GTF3C6: variants seen among roughly 807,000 people sequenced by gnomAD.
The protein encoded by GTF3C6 is general transcription factor IIIC subunit 6.
GTF3C6 carries 11 observed loss-of-function variants against 19.2 expected under a neutral mutation model. That is an observed-to-expected ratio of 0.57 (90% CI 0.36 to 0.95). GTF3C6 has a LOEUF of 0.95. Among genes scored for constraint, GTF3C6 ranks in the 40% least tolerant of loss-of-function variants. GTF3C6 has a pLI of 0.01. For synonymous variants in GTF3C6, 87 were observed against 84.2 expected (o/e 1.03, Z -0.18); for missense variants, 222 against 254.7 (o/e 0.87, Z 0.87).
rs146702034 is a variant in GTF3C6 at position 110,959,166 on chromosome 6, C to G, written c.58-6C>G. 4.3e-5 allele frequency: 69 copies of G among 1,603,764 alleles called. No homozygotes were observed. Among genetic ancestry groups the G allele is most frequent in the African/African-American group, 5.3e-5 (4 of 74,814 alleles). On this transcript the variant is annotated splice_polypyrimidine_tract_variant and splice_region_variant and intron_variant, in intron 1 of 5. Transcript: ENST00000329970. ...CTAGCATGTTAACCCCTCTTTCTTT[C>G]ACCAGGAGCAGTTGGTTCTGGTGGA...
At chr6:110,962,869 C>T (rs984862139) in intron 5 of GTF3C6, among the ~76,000 whole-genome samples, 19 of 152,162 alleles carry the variant, frequency 1.2e-4, no homozygotes, top group African/African-American at 3.4e-4. Flanking sequence ...ACCTCCGCCT[C>T]CCGGGTTCAA....
chr6:110,966,940 A>C (rs1432378285), intron 5 of GTF3C6, among the ~76,000 whole-genome samples: 1 of 152,042 alleles, frequency 6.6e-6, no homozygotes, highest in Admixed American at 6.6e-5. Context: ...GATGGCTTGA[A>C]GTCAGGAGTT....
intron 4 of GTF3C6, 63 bp downstream of exon 4, chr6:110,960,679 A>C (rs1771148582): frequency 8.3e-7 from 1 of 1,205,760 alleles, no homozygotes; most frequent in Non-Finnish European, 1.2e-6. Context: ...TAAGCATAAT[A>C]AATATCTCAT....
chr6:110,965,177 A>C (rs1240775830), intron 5 of GTF3C6, among the ~76,000 whole-genome samples: 1 of 125,440 alleles, frequency 8.0e-6, no homozygotes, highest in Non-Finnish European at 1.6e-5. Flanking sequence ...GGATCTTACT[A>C]TGTTACCCAG....
intron 1 of GTF3C6, 74 bp from the exon 2 acceptor site, chr6:110,959,098 T>A (rs2115347419): frequency 9.1e-7 from 1 of 1,094,738 alleles, no homozygotes; most frequent in East Asian, 2.3e-5. Flanking sequence ...ATGTGGGAAA[T>A]TTGGCTTCTT....
At chr6:110,967,420 T>C in intron 5 of GTF3C6, 90 bp from the exon 6 acceptor site, 1 of 1,154,166 alleles carries the variant, frequency 8.7e-7, no homozygotes, top group Non-Finnish European at 1.2e-6. Flanking sequence ...TGACATGTAT[T>C]CATAGGATAG....
chr6:110,965,538 G>A (rs1771219561), intron 5 of GTF3C6, among the ~76,000 whole-genome samples: 1 of 152,078 alleles, frequency 6.6e-6, no homozygotes, highest in Non-Finnish European at 1.5e-5. Context: ...ATAAACCCTT[G>A]TTCCTATTAT....
intron 5 of GTF3C6, among the ~76,000 whole-genome samples, chr6:110,966,098 T>TA (rs1345585310): frequency 6.6e-6 from 1 of 152,204 alleles, no homozygotes; most frequent in African/African-American, 2.4e-5. Flanking sequence ...GTCCTCCTGA[T>TA]ATGGCAGCTG....
chr6:110,960,638 C>A (rs764668170), intron 4 of GTF3C6, 22 bp downstream of exon 4: 1 of 1,578,972 alleles, frequency 6.3e-7, no homozygotes, highest in South Asian at 1.1e-5. Flanking sequence ...CTAGCCCAGC[C>A]CTTTTTAATA....
In GTF3C6 at chr6:110,960,455, T is replaced by G; in HGVS notation, c.180T>G (p.Cys60Trp). The change falls in exon 3 of 6, where the codon TGT becomes TGG. Residue 60 changes from cysteine to tryptophan, a missense_variant. Transcript: ENST00000329970. The stretch of plus-strand genomic sequence containing the variant: ...GGCCCATTCTGCAAGTGGACAGCTG[T>G]GTCTTTGCTGGGGAGTATGAAGGTA... ...TERPILQVDS[C>W]VFAGEYEDTL... 1.2e-6 allele frequency: 2 copies of G among 1,613,938 alleles called. No homozygotes were observed. The highest frequency in any genetic ancestry group is 1.7e-6 in the Non-Finnish European group (2 of 1,179,914).
chr6:110,959,967 AAAAAAAT>A (rs1047118392), intron 2 of GTF3C6, among the ~76,000 whole-genome samples: 1 of 140,624 alleles, frequency 7.1e-6, no homozygotes, highest in East Asian at 2.6e-4. Flanking sequence ...TCAATAAAAA[AAAAAAAT>A]AATAATAATA....
chr6:110,960,601 G>A lies in GTF3C6; in HGVS notation c.232G>A (p.Glu78Lys). The A allele has an allele frequency of 6.2e-7, 1 of 1,613,554 alleles. No individual in the cohort carries two copies. Among genetic ancestry groups the A allele is most frequent in the Non-Finnish European group, 8.5e-7 (1 of 1,179,564 alleles). ...DTLGTCVIFE[E>K]NVEHADTEGN... ...TCTAGGGACCTGTGTTATATTTGAA[G>A]AAAATGTTGAACATGGTAAGTGATT... The change falls in exon 4 of 6, where the codon GAA becomes AAA. Residue 78 changes from glutamate to lysine, a missense_variant. Coordinates refer to ENST00000329970, the MANE Select transcript of GTF3C6 (RefSeq NM_138408.4).
Position 110,962,439 on chromosome 6 carries a change from A to G in GTF3C6, c.295A>G (p.Thr99Ala). ...AACAGTGCTAAAATATAAATGCCAT[A>G]CAATGAAGAAGCTCAGCATGACAAG... ...NKTVLKYKCH[T>A]MKKLSMTRTL... The change falls in exon 5 of 6, where the codon ACA becomes GCA. Residue 99 changes from threonine (T) to alanine (A), a missense_variant. Physicochemically the swap from Thr to Ala is moderately conservative, Grantham distance 58. Coordinates refer to ENST00000329970, the MANE Select transcript of GTF3C6 (RefSeq NM_138408.4). The G allele has an allele frequency of 6.2e-7, 1 of 1,612,284 alleles. No individual in the cohort carries two copies. The highest frequency in any genetic ancestry group is 8.5e-7 in the Non-Finnish European group (1 of 1,178,306).
chr6:110,961,794 A>G (rs1771163803), intron 4 of GTF3C6, among the ~76,000 whole-genome samples: 1 of 152,218 alleles, frequency 6.6e-6, no homozygotes. Context: ...TTCCATTTCA[A>G]GGATGAAGCC....
chr6:110,958,748 G>C lies in GTF3C6; in HGVS notation c.-22G>C, dbSNP rs777921143. On this transcript the variant is annotated 5_prime_UTR_variant, in exon 1 of 6. Transcript: ENST00000329970. ...TCCGGGCGGGCGTGGCCAGTGACTA[G>C]AAGGCGAGGCGCCGCGGGACCATGG... The C allele has an allele frequency of 1.3e-6, 2 of 1,550,518 alleles. No homozygotes were observed. The highest frequency in any genetic ancestry group is 2.4e-5 in the East Asian group (1 of 40,956).
intron 4 of GTF3C6, 104 bp downstream of exon 4, chr6:110,960,720 T>A: frequency 1.1e-6 from 1 of 941,444 alleles, no homozygotes; most frequent in Non-Finnish European, 1.7e-6. Context: ...TCATATCCTA[T>A]CATTTTCCCA....
chr6:110,962,870 C>T (rs1275882810), intron 5 of GTF3C6, among the ~76,000 whole-genome samples: 10 of 152,190 alleles, frequency 6.6e-5, no homozygotes, highest in African/African-American at 2.4e-4. Flanking sequence ...CCTCCGCCTC[C>T]CGGGTTCAAG....
chr6:110,962,577 A>G (rs767850850), intron 5 of GTF3C6, 72 bp downstream of exon 5: 9 of 828,504 alleles, frequency 1.1e-5, no homozygotes, highest in Non-Finnish European at 1.8e-5. Flanking sequence ...ATGCCAGGAT[A>G]GTCCTTGTAC....
At chr6:110,967,167 T>C (rs1771240998) in intron 5 of GTF3C6, among the ~76,000 whole-genome samples, 1 of 151,256 alleles carries the variant, frequency 6.6e-6, no homozygotes, top group Non-Finnish European at 1.5e-5. Context: ...AAAAAAAACA[T>C]TGTAGGGAAG....
Sources: allele counts gnomAD v4.1 joint callset (sites outside exome capture counted in the v4.1 genomes callset), GRCh38; gene constraint gnomAD v4.1.1; transcripts MANE v1.5; gene names NCBI Gene and HGNC (gene_info 2026-07-23, HGNC 2026-07-21).